ARHGAP15: variants seen among roughly 807,000 people sequenced by gnomAD.
The protein encoded by ARHGAP15 is Rho GTPase activating protein 15, also known as rho GTPase-activating protein 15.
ARHGAP15 carries 51 observed loss-of-function variants against 63.7 expected under a neutral mutation model. The observed-to-expected ratio is 0.80, with a 90% CI of 0.64 to 1.01. The LOEUF (loss-of-function observed/expected upper bound fraction) is 1.01, where lower values mean the gene tolerates loss of function less well. Among genes scored for constraint, ARHGAP15 ranks in the 50% least tolerant of loss-of-function variants. ARHGAP15 has a pLI of 0.00. For synonymous variants in ARHGAP15, 191 were observed against 193.8 expected (o/e 0.99, Z 0.12); for missense variants, 560 against 564.6 (o/e 0.99, Z 0.08).
chr2:143,346,123 G>T (rs144121908), intron 6 of ARHGAP15, among the ~76,000 whole-genome samples: 215 of 151,606 alleles, frequency 1.4e-3, no homozygotes, highest in African/African-American at 5.1e-3. Flanking sequence ...AAAGTTGACT[G>T]CCACGATACA....
At chr2:143,767,714 T>C (rs1304037177) in intron 13 of ARHGAP15, among the ~76,000 whole-genome samples, 3 of 152,160 alleles carry the variant, frequency 2.0e-5, no homozygotes, top group Admixed American at 2.0e-4. Context: ...ACAGTCATTT[T>C]TGCTGTTTAA....
intron 12 of ARHGAP15, among the ~76,000 whole-genome samples, chr2:143,631,252 T>C (rs1293562101): frequency 1.3e-5 from 2 of 152,122 alleles, no homozygotes; most frequent in South Asian, 2.1e-4. Context: ...TAGTCTTTGA[T>C]TGTTACAAAT....
intron 6 of ARHGAP15, among the ~76,000 whole-genome samples, chr2:143,400,787 G>GT (rs1687958570): frequency 6.6e-6 from 1 of 151,988 alleles, no homozygotes; most frequent in African/African-American, 2.4e-5. Context: ...AAATTGCAGG[G>GT]TATTGTTTAG....
intron 13 of ARHGAP15, among the ~76,000 whole-genome samples, chr2:143,763,694 G>GCATATA (rs1686846452): frequency 2.1e-5 from 3 of 142,534 alleles, no homozygotes; most frequent in African/African-American, 2.9e-5. Context: ...ATATGTATAT[G>GCATATA]TATGTGTATG....
intron 3 of ARHGAP15, among the ~76,000 whole-genome samples, chr2:143,214,559 C>G (rs1383752637): frequency 6.6e-6 from 1 of 152,082 alleles, no homozygotes; most frequent in Admixed American, 6.6e-5. Context: ...AACAAAAAGG[C>G]ACCAGTGAAT....
chr2:143,424,787 C>T (rs930161757), intron 6 of ARHGAP15, among the ~76,000 whole-genome samples: 1 of 152,142 alleles, frequency 6.6e-6, no homozygotes, highest in Non-Finnish European at 1.5e-5. Context: ...TTTTCACATG[C>T]TGGTCTTTTC....
intron 11 of ARHGAP15, among the ~76,000 whole-genome samples, chr2:143,591,349 C>T (rs538215974): frequency 6.6e-6 from 1 of 152,072 alleles, no homozygotes; most frequent in Non-Finnish European, 1.5e-5. Context: ...CATTTCATTT[C>T]TAGGCACAAA....
intron 6 of ARHGAP15, among the ~76,000 whole-genome samples, chr2:143,294,753 G>A (rs1398048560): frequency 6.6e-6 from 1 of 152,044 alleles, no homozygotes; most frequent in Non-Finnish European, 1.5e-5. Flanking sequence ...GTCCAAAGAA[G>A]TGACTGGAGG....
At chr2:143,349,331 C>T (rs866730611) in intron 6 of ARHGAP15, among the ~76,000 whole-genome samples, 4 of 152,156 alleles carry the variant, frequency 2.6e-5, no homozygotes, top group Middle Eastern at 3.2e-3. Flanking sequence ...GCATGGGAGC[C>T]TACCACTGTC....
intron 6 of ARHGAP15, among the ~76,000 whole-genome samples, chr2:143,277,379 CAT>C (rs1558861624): frequency 1.3e-5 from 2 of 151,908 alleles, no homozygotes; most frequent in South Asian, 2.1e-4. Flanking sequence ...TTCAGGGACT[CAT>C]ATCAGGATCC....
At position 143,239,990 on chromosome 2, in the gene ARHGAP15, CAAAAAAAAAAAAA is replaced by C. The variant is rs60960176; in HGVS notation, c.385-10502_385-10490del. Among the ~76,000 whole-genome samples, 39 of 26,470 alleles carry C rather than the reference CAAAAAAAAAAAAA, an allele frequency of 1.5e-3. No homozygotes were observed. In the South Asian group the frequency reaches 0.082, roughly 56 times the overall value. 17.4% of individuals were successfully genotyped at this position (26,470 alleles called of 152,430 possible). Reference sequence around the variant, plus strand: ...TGGGTGATAGAGTGAGACTCTGTCTCAAAAAAAAAAAAAAAAAAAAAAAAAAAAAAACCACACA... The same window carrying C: ...TGGGTGATAGAGTGAGACTCTGTCTCAAAAAAAAAAAAAAAAAACCACACA... On this transcript the variant is annotated intron_variant, in intron 5 of 13. Transcript: ENST00000295095.
chr2:143,446,365 A>G (rs972689478), intron 8 of ARHGAP15, among the ~76,000 whole-genome samples: 4 of 151,990 alleles, frequency 2.6e-5, no homozygotes, highest in Admixed American at 2.0e-4. Flanking sequence ...CAATTTAGAA[A>G]TATAGCAAGA....
At chr2:143,151,524 T>C (rs1689816000) in intron 1 of ARHGAP15, among the ~76,000 whole-genome samples, 1 of 152,014 alleles carries the variant, frequency 6.6e-6, no homozygotes, top group South Asian at 2.1e-4. Context: ...GTCTGACTGA[T>C]ATAACATTGT....
chr2:143,341,255 G>A (rs913485697), intron 6 of ARHGAP15, among the ~76,000 whole-genome samples: 1 of 151,964 alleles, frequency 6.6e-6, no homozygotes, highest in African/African-American at 2.4e-5. Context: ...TCTTAGAATA[G>A]CCCCTGAACC....
At chr2:143,284,850 A>G (rs1019679732) in intron 6 of ARHGAP15, among the ~76,000 whole-genome samples, 2 of 152,172 alleles carry the variant, frequency 1.3e-5, no homozygotes, top group African/African-American at 4.8e-5. Flanking sequence ...ATGAAAAGTA[A>G]ATTTTCAGCC....
intron 6 of ARHGAP15, among the ~76,000 whole-genome samples, chr2:143,363,077 T>A (rs998855823): frequency 4.6e-5 from 7 of 152,238 alleles, no homozygotes; most frequent in Non-Finnish European, 8.8e-5. Context: ...TGCCATCTAA[T>A]CCTGGTTTAA....
At chr2:143,591,596 T>TG (rs1464086758) in intron 11 of ARHGAP15, among the ~76,000 whole-genome samples, 3 of 144,780 alleles carry the variant, frequency 2.1e-5, no homozygotes. Flanking sequence ...TGGGATAAGT[T>TG]GGTTTTTTTT....
chr2:143,689,006 T>C (rs1028491057), intron 12 of ARHGAP15, among the ~76,000 whole-genome samples: 2 of 152,136 alleles, frequency 1.3e-5, no homozygotes, highest in Non-Finnish European at 2.9e-5. Context: ...TTTCTTAATT[T>C]TGTGCTTGAC....
intron 9 of ARHGAP15, among the ~76,000 whole-genome samples, chr2:143,516,452 C>G (rs1273942973): frequency 6.6e-6 from 1 of 152,156 alleles, no homozygotes; most frequent in South Asian, 2.1e-4. Context: ...AGACCTCATA[C>G]TAAAGGACAT....
Sources: gnomAD v4.1 joint callset for allele counts (sites outside exome capture counted in the v4.1 genomes callset) on GRCh38, gnomAD v4.1.1 for gene constraint, MANE v1.5 for transcripts, NCBI Gene and HGNC (gene_info 2026-07-23, HGNC 2026-07-21) for gene names.